Variants in SORL1 observed in about 807,000 individuals in gnomAD.
SORL1 encodes the protein sortilin-related receptor.
In SORL1, 127 loss-of-function variants were observed where a neutral mutation model predicts 273.7. The observed-to-expected ratio is 0.46, with a 90% CI of 0.40 to 0.54. SORL1 has a LOEUF of 0.54. SORL1 is among the 20% of genes least tolerant of loss of function. The probability of loss-of-function intolerance (pLI) is 0.00; values close to 1 mark genes in which losing one functional copy is unlikely to be tolerated. For missense variants in SORL1, 2,494 were observed against 2,846.1 expected (o/e 0.88, Z 2.81); for synonymous variants, 1,031 against 1,067.4 (o/e 0.97, Z 0.66).
chr11:121,460,731 G>A (rs553926527), intron 1 of SORL1, among the ~76,000 whole-genome samples: 9 of 152,230 alleles, frequency 5.9e-5, no homozygotes, highest in African/African-American at 2.2e-4. Context: ...CAGAGGCATT[G>A]GAAAGGCTGG....
chr11:121,469,495 A>G (rs1389229003), intron 1 of SORL1, among the ~76,000 whole-genome samples: 2 of 152,254 alleles, frequency 1.3e-5, no homozygotes, highest in East Asian at 3.8e-4. Context: ...AATTTTGAAA[A>G]GCTTCACAAT....
At chr11:121,465,448 C>G (rs963264623) in intron 1 of SORL1, among the ~76,000 whole-genome samples, 2 of 152,176 alleles carry the variant, frequency 1.3e-5, no homozygotes, top group African/African-American at 4.8e-5. Context: ...AGTTCCAACT[C>G]CTGCCAGGAG....
At chr11:121,543,750 T>G in intron 13 of SORL1, 24 bp downstream of exon 13, 1 of 1,597,674 alleles carries the variant, frequency 6.3e-7, no homozygotes, top group Non-Finnish European at 8.5e-7. Flanking sequence ...TCCTTGGACC[T>G]TTTCACATGG....
chr11:121,543,761 A>G (rs1358444268), intron 13 of SORL1, 35 bp downstream of exon 13: 2 of 1,585,170 alleles, frequency 1.3e-6, no homozygotes, highest in Non-Finnish European at 8.6e-7. Context: ...TTTCACATGG[A>G]TATGCGTGGA....
chr11:121,545,465 G>A, intron 14 of SORL1, 36 bp downstream of exon 14: 1 of 1,600,566 alleles, frequency 6.2e-7, no homozygotes, highest in Non-Finnish European at 8.6e-7. Context: ...ACTGAGTTGT[G>A]TTTTATTCAC....
At chr11:121,586,369 G>C (rs781314599) in intron 27 of SORL1, 40 bp downstream of exon 27, 2 of 1,395,024 alleles carry the variant, frequency 1.4e-6, no homozygotes. Context: ...CTCAGGCCTA[G>C]TGATTATGAG....
intron 8 of SORL1, among the ~76,000 whole-genome samples, chr11:121,514,735 AC>A (rs1374324471): frequency 6.6e-6 from 1 of 151,982 alleles, no homozygotes; most frequent in Non-Finnish European, 1.5e-5. Flanking sequence ...TGATGTCATT[AC>A]TCTTTTTAAG....
rs774952259 is a variant in SORL1 at position 121,574,389 on chromosome 11, C to T, written c.3460+26C>T. ...GTAAGGGGACATCACATCCTGAAACCCTGCTCTGGAGAGGGGGGTCATTGT... is the reference window on the plus strand; with the variant it reads ...GTAAGGGGACATCACATCCTGAAACTCTGCTCTGGAGAGGGGGGTCATTGT... On this transcript the variant is annotated intron_variant, in intron 24 of 47. Coordinates refer to ENST00000260197, the MANE Select transcript of SORL1 (RefSeq NM_003105.6). The T allele has an allele frequency of 1.8e-5, 29 of 1,609,696 alleles. No individual in the cohort carries two copies. The East Asian group carries it at 5.6e-4, about 31-fold the overall frequency.
chr11:121,478,168 G>A lies in SORL1; in HGVS notation c.453G>A (p.Lys151=). ...AATCATTCAAGAAAATTTCAGACAAGTTAAACTTTGGCTTGGGAAATAGGA... is the reference window on the plus strand; with the variant it reads ...AATCATTCAAGAAAATTTCAGACAAATTAAACTTTGGCTTGGGAAATAGGA... The part of the protein sequence containing the change: ...YGKSFKKISD[K]LNFGLGNRSE... The change falls in exon 3 of 48, where the codon AAG becomes AAA. Residue 151 remains lysine, a synonymous_variant. Transcript: ENST00000260197. 1 of 1,614,028 alleles carries A rather than the reference G, an allele frequency of 6.2e-7. No homozygotes were observed. The highest frequency in any genetic ancestry group is 1.1e-5 in the South Asian group (1 of 91,088).
intron 1 of SORL1, among the ~76,000 whole-genome samples, chr11:121,456,635 C>T (rs963349261): frequency 7.2e-5 from 11 of 152,116 alleles, no homozygotes; most frequent in Non-Finnish European, 1.3e-4. Flanking sequence ...ACAGAATCCT[C>T]CCTTTTAGGG....
chr11:121,613,079 A>T (rs1376799073), intron 40 of SORL1, among the ~76,000 whole-genome samples: 2 of 152,198 alleles, frequency 1.3e-5, no homozygotes, highest in African/African-American at 4.8e-5. Flanking sequence ...GTTGGGGGCC[A>T]TAAGGAGGAA....
At chr11:121,479,810 T>C (rs935465208) in intron 3 of SORL1, among the ~76,000 whole-genome samples, 1 of 152,198 alleles carries the variant, frequency 6.6e-6, no homozygotes, top group African/African-American at 2.4e-5. Context: ...CTCTGCCTGA[T>C]GATCTCAGAG....
intron 31 of SORL1, among the ~76,000 whole-genome samples, chr11:121,592,289 T>G (rs537592782): frequency 1.3e-5 from 2 of 152,352 alleles, no homozygotes; most frequent in East Asian, 3.9e-4. Flanking sequence ...CCTTGATATA[T>G]TCATATCATC....
intron 30 of SORL1, chr11:121,590,489 C>T: frequency 2.0e-6 from 1 of 498,574 alleles, no homozygotes. Flanking sequence ...TCTCTGACCT[C>T]ACCCCAGACC....
At chr11:121,503,237 A>G (rs970455520) in intron 6 of SORL1, among the ~76,000 whole-genome samples, 1 of 151,942 alleles carries the variant, frequency 6.6e-6, no homozygotes, top group African/African-American at 2.4e-5. Flanking sequence ...TGTTATATCC[A>G]AGAAACTATT....
chr11:121,538,475 A>G (rs755089199), intron 12 of SORL1, among the ~76,000 whole-genome samples: 6 of 152,164 alleles, frequency 3.9e-5, no homozygotes, highest in Non-Finnish European at 7.3e-5. Context: ...AGATTTATCA[A>G]TCTTTTAACT....
intron 1 of SORL1, among the ~76,000 whole-genome samples, chr11:121,467,176 C>T (rs1220905990): frequency 2.6e-5 from 4 of 151,870 alleles, no homozygotes; most frequent in African/African-American, 7.3e-5. Flanking sequence ...ACTACAGGCA[C>T]CCGCCACCAC....
intron 45 of SORL1, 130 bp from the exon 46 acceptor site, chr11:121,624,955 G>T: frequency 1.6e-6 from 1 of 615,848 alleles, no homozygotes. Flanking sequence ...AAAAGAACAA[G>T]GAGAAACCCA....
At chr11:121,474,666 C>G (rs1360107677) in intron 2 of SORL1, among the ~76,000 whole-genome samples, 1 of 152,240 alleles carries the variant, frequency 6.6e-6, no homozygotes, top group Non-Finnish European at 1.5e-5. Context: ...GTGCAGAAAT[C>G]CCGTCTGGAT....
Sources: gnomAD v4.1 joint callset for allele counts (sites outside exome capture counted in the v4.1 genomes callset) on GRCh38, gnomAD v4.1.1 for gene constraint, MANE v1.5 for transcripts, NCBI Gene and HGNC (gene_info 2026-07-23, HGNC 2026-07-21) for gene names.